The following NREP variants were observed in gnomAD, a reference collection of about 807,000 sequenced individuals.
NREP encodes neuronal regeneration related protein.
A neutral mutation model predicts 8.6 loss-of-function variants in NREP; 5 were observed. The observed-to-expected ratio is 0.58, with a 90% CI of 0.30 to 1.22. The LOEUF is 1.22. Ranked by LOEUF, NREP falls within the 50% of genes most tolerant of loss-of-function variation. NREP has a pLI of 0.07. For missense variants in NREP, 86 were observed against 82.5 expected (o/e 1.04, Z -0.17); for synonymous variants, 27 against 28.0 (o/e 0.96, Z 0.11).
At chr5:111,833,131 T>C (rs7723663) in intron 2 of NREP, among the ~76,000 whole-genome samples, 8,821 of 152,224 alleles carry the variant, frequency 0.058, 595 homozygotes, top group East Asian at 0.24. Context: ...ATAAAAGACC[T>C]GAAAATGTTT....
At chr5:111,944,473 A>T (rs1036207650) in intron 2 of NREP, among the ~76,000 whole-genome samples, 1 of 151,808 alleles carries the variant, frequency 6.6e-6, no homozygotes, top group Admixed American at 6.6e-5. Flanking sequence ...ATGCCTGAAT[A>T]ATTTTTGTAT....
chr5:111,805,589 C>T (rs915904162), intron 2 of NREP, among the ~76,000 whole-genome samples: 6 of 152,104 alleles, frequency 3.9e-5, no homozygotes, highest in Non-Finnish European at 8.8e-5. Flanking sequence ...TGTGTGCACA[C>T]GTATGTACAT....
At chr5:111,931,825 T>C (rs967410748) in intron 2 of NREP, among the ~76,000 whole-genome samples, 3 of 152,088 alleles carry the variant, frequency 2.0e-5, no homozygotes, top group African/African-American at 2.4e-5. Flanking sequence ...TTTTGAAAGA[T>C]TGCGTAATGC....
chr5:111,823,534 A>G lies in NREP; in HGVS notation c.136-88027T>C, dbSNP rs376578797. Among the ~76,000 whole-genome samples the G allele has an allele frequency of 5.3e-4, 80 of 152,344 alleles. 1 individual carries two copies. Among genetic ancestry groups the G allele is most frequent in the African/African-American group, 1.7e-3 (71 of 41,592 alleles). On this transcript the variant is annotated intron_variant, in intron 2 of 3. Transcript: ENST00000395634. ...CAGTTGTTAAAATAGAATGATATAA[A>G]GAGTTCAATAAAAACATTACATATA...
At chr5:111,752,592 A>T (rs1250085183) in intron 2 of NREP, among the ~76,000 whole-genome samples, 1 of 152,230 alleles carries the variant, frequency 6.6e-6, no homozygotes, top group Non-Finnish European at 1.5e-5. Flanking sequence ...GTCTTCTTGT[A>T]AGCCCATGAA....
chr5:111,907,620 C>G (rs1285773900), intron 2 of NREP, among the ~76,000 whole-genome samples: 1 of 152,026 alleles, frequency 6.6e-6, no homozygotes, highest in Non-Finnish European at 1.5e-5. Flanking sequence ...GTTAAATGCC[C>G]TTAATAATAG....
intron 2 of NREP, among the ~76,000 whole-genome samples, chr5:111,804,294 A>C (rs571789763): frequency 3.3e-5 from 5 of 152,330 alleles, no homozygotes; most frequent in African/African-American, 1.2e-4. Flanking sequence ...TAGACTTTTA[A>C]ATAAACGATT....
intron 2 of NREP, among the ~76,000 whole-genome samples, chr5:111,916,137 A>C (rs1755051123): frequency 6.6e-6 from 1 of 152,112 alleles, no homozygotes; most frequent in Non-Finnish European, 1.5e-5. Flanking sequence ...ATATCATATG[A>C]GATATATATT....
chr5:111,809,726 G>T (rs906707795), intron 2 of NREP, among the ~76,000 whole-genome samples: 7 of 152,120 alleles, frequency 4.6e-5, no homozygotes, highest in Admixed American at 6.6e-5. Flanking sequence ...GCAGAACCAT[G>T]AACTAAATAA....
At chr5:111,819,282 G>A (rs555907818) in intron 2 of NREP, among the ~76,000 whole-genome samples, 21 of 152,182 alleles carry the variant, frequency 1.4e-4, no homozygotes, top group African/African-American at 5.1e-4. Context: ...CTGCCACTCT[G>A]GCTTGTACCT....
At chr5:111,801,475 G>A (rs1752006097) in intron 2 of NREP, among the ~76,000 whole-genome samples, 1 of 152,102 alleles carries the variant, frequency 6.6e-6, no homozygotes, top group Non-Finnish European at 1.5e-5. Context: ...TAAAGATGGT[G>A]ACATAGAAAA....
chr5:111,743,552 T>C (rs1018767252), intron 2 of NREP, among the ~76,000 whole-genome samples: 2 of 152,194 alleles, frequency 1.3e-5, no homozygotes, highest in African/African-American at 2.4e-5. Context: ...TTTTAAGATA[T>C]ATTAAGAATT....
intron 2 of NREP, among the ~76,000 whole-genome samples, chr5:111,961,345 G>A (rs886601662): frequency 1.3e-5 from 2 of 152,224 alleles, no homozygotes; most frequent in South Asian, 2.1e-4. Context: ...TTAATAAGCA[G>A]CACAAAATGC....
At chr5:111,932,117 C>CA (rs57518070) in intron 2 of NREP, among the ~76,000 whole-genome samples, 3,081 of 115,462 alleles carry the variant, frequency 0.027, 37 homozygotes, top group East Asian at 0.035. Context: ...AGACTTTTTG[C>CA]AAAAAAAAAA....
chr5:111,815,504 T>C (rs1402755148), intron 2 of NREP, among the ~76,000 whole-genome samples: 1 of 152,082 alleles, frequency 6.6e-6, no homozygotes, highest in East Asian at 1.9e-4. Flanking sequence ...TTTTTTTTAG[T>C]TATCGTAAAT....
chr5:111,878,339 G>A (rs1205962578), intron 2 of NREP, among the ~76,000 whole-genome samples: 1 of 152,170 alleles, frequency 6.6e-6, no homozygotes, highest in Non-Finnish European at 1.5e-5. Context: ...TTGTAATCAT[G>A]GCTGAAGGGA....
intron 2 of NREP, among the ~76,000 whole-genome samples, chr5:111,971,867 G>A (rs1756830118): frequency 6.6e-6 from 1 of 151,630 alleles, no homozygotes; most frequent in Non-Finnish European, 1.5e-5. Flanking sequence ...GAAAGCGTGG[G>A]CAGCCAAAGC....
chr5:111,821,261 G>A (rs1752507721), intron 2 of NREP, among the ~76,000 whole-genome samples: 2 of 151,942 alleles, frequency 1.3e-5, no homozygotes. Context: ...TTCCTGATTA[G>A]GACTATGAGG....
Position 111,730,834 on chromosome 5 carries a change from G to A in NREP, c.*87C>T. 1 of 1,448,368 alleles carries A rather than the reference G, an allele frequency of 6.9e-7. No homozygotes were observed. The highest frequency in any genetic ancestry group is 9.5e-7 in the Non-Finnish European group (1 of 1,057,136). 89.7% of individuals were successfully genotyped at this position (1,448,368 alleles called of 1,614,324 possible). A position where few individuals can be genotyped will look rare whatever the true frequency, so the allele number is the denominator to read the frequency against. On this transcript the variant is annotated 3_prime_UTR_variant, in exon 4 of 4. Transcript: ENST00000257435. ...CCCATAGTTTCTTCTTATACTTGAT[G>A]ATTTACACAGAAAAAAATCCCATAT...
Sources: gnomAD v4.1 joint callset for allele counts (sites outside exome capture counted in the v4.1 genomes callset) on GRCh38, gnomAD v4.1.1 for gene constraint, MANE v1.5 for transcripts, NCBI Gene and HGNC (gene_info 2026-07-23, HGNC 2026-07-21) for gene names.